Variants in R3HDM2 observed in about 807,000 individuals in gnomAD.
The protein encoded by R3HDM2 is R3H domain-containing protein 2.
In R3HDM2, 38 loss-of-function variants were observed where a neutral mutation model predicts 124.5. That is an observed-to-expected ratio of 0.31 (90% CI 0.24 to 0.40). The LOEUF is 0.40. Among genes scored for constraint, R3HDM2 ranks in the 10% least tolerant of loss-of-function variants. The pLI is 1.00. For synonymous variants in R3HDM2, 391 were observed against 448.0 expected (o/e 0.87, Z 1.61); for missense variants, 869 against 1,236.9 (o/e 0.70, Z 4.46).
Position 57,419,420 on chromosome 12 carries a change from G to C in R3HDM2, c.-106+11300C>G, listed in dbSNP as rs1461650485. 2.6e-5 allele frequency among the ~76,000 whole-genome samples: 4 copies of C among 151,744 alleles called. No individual in the cohort carries two copies. In the East Asian group the frequency reaches 7.7e-4, roughly 29 times the overall value. ...AGCCTCCCAAAGTGCTGAGATTACAGGCATGAGCCACTGTATCTGGCCATC... is the reference window on the plus strand; with the variant it reads ...AGCCTCCCAAAGTGCTGAGATTACACGCATGAGCCACTGTATCTGGCCATC... On this transcript the variant is annotated intron_variant, in intron 1 of 23. Coordinates refer to ENST00000402412, the MANE Select transcript of R3HDM2 (RefSeq NM_001394031.1).
chr12:57,281,706 G>A (rs1055726017), intron 13 of R3HDM2, among the ~76,000 whole-genome samples: 2 of 151,904 alleles, frequency 1.3e-5, no homozygotes, highest in Non-Finnish European at 2.9e-5. Context: ...GGCTGGTTTC[G>A]AACTCCTGGC....
chr12:57,369,250 C>A (rs949540413), intron 2 of R3HDM2, among the ~76,000 whole-genome samples: 12 of 152,276 alleles, frequency 7.9e-5, no homozygotes, highest in African/African-American at 2.4e-4. Context: ...ATCTCTGGGG[C>A]AAACATAACT....
intron 2 of R3HDM2, among the ~76,000 whole-genome samples, chr12:57,385,810 A>G (rs1386971476): frequency 6.6e-6 from 1 of 152,176 alleles, no homozygotes; most frequent in African/African-American, 2.4e-5. Context: ...GTGGCCTGGA[A>G]CCCCTGGGAA....
At chr12:57,408,209 G>A (rs2068701528) in intron 1 of R3HDM2, among the ~76,000 whole-genome samples, 1 of 152,168 alleles carries the variant, frequency 6.6e-6, no homozygotes, top group African/African-American at 2.4e-5. Flanking sequence ...GGCATTTCAG[G>A]TGCAAGCCAC....
rs1466923568 is a variant in R3HDM2, at chr12:57,266,792, C to T, written c.2070G>A (p.Gln690=). The T allele has an allele frequency of 6.2e-7, 1 of 1,610,714 alleles. No homozygotes were observed. The highest frequency in any genetic ancestry group is 1.1e-5 in the South Asian group (1 of 90,952). The change falls in exon 19 of 24, where the codon CAG becomes CAA. Residue 690 remains glutamine (Q), a synonymous_variant. Transcript: ENST00000402412. ...GAGAGGGAGACTGAGGCATCTGGTACTGCTCAGAGCCAGGGGGTTGCAGAA... is the reference window on the plus strand; with the variant it reads ...GAGAGGGAGACTGAGGCATCTGGTATTGCTCAGAGCCAGGGGGTTGCAGAA... ...VGFLQPPGSE[Q]YQMPQSPSPC...
intron 2 of R3HDM2, among the ~76,000 whole-genome samples, chr12:57,388,548 T>TG (rs1435524712): frequency 2.0e-5 from 3 of 152,186 alleles, no homozygotes; most frequent in African/African-American, 7.2e-5. Context: ...TAACACCTTG[T>TG]GCAGTACTGA....
intron 9 of R3HDM2, among the ~76,000 whole-genome samples, chr12:57,295,930 C>T (rs564236609): frequency 3.9e-5 from 6 of 152,264 alleles, no homozygotes; most frequent in South Asian, 4.1e-4. Context: ...GAGTGCATGG[C>T]GTGATCTTGG....
At chr12:57,324,293 C>A (rs1463129812) in intron 2 of R3HDM2, among the ~76,000 whole-genome samples, 3 of 152,156 alleles carry the variant, frequency 2.0e-5, no homozygotes, top group African/African-American at 4.8e-5. Context: ...AAGCAATTCT[C>A]CTGCCTCAGC....
chr12:57,298,421 A>G (rs987304161), intron 6 of R3HDM2, among the ~76,000 whole-genome samples: 1 of 152,198 alleles, frequency 6.6e-6, no homozygotes. Flanking sequence ...TCTATCATCA[A>G]TAGGTATTTA....
intron 2 of R3HDM2, among the ~76,000 whole-genome samples, chr12:57,382,780 G>T (rs1380784344): frequency 6.6e-6 from 1 of 151,812 alleles, no homozygotes; most frequent in African/African-American, 2.4e-5. Flanking sequence ...AGCTTGCAGT[G>T]AGCTGAGATC....
intron 1 of R3HDM2, among the ~76,000 whole-genome samples, chr12:57,419,144 CTTTT>C (rs923524630): frequency 1.4e-5 from 2 of 139,272 alleles, no homozygotes; most frequent in African/African-American, 2.6e-5. Context: ...TTCTCCTTTC[CTTTT>C]TTTTTTTTTT....
At chr12:57,360,042 TA>T (rs2061729015) in intron 2 of R3HDM2, among the ~76,000 whole-genome samples, 2 of 80,100 alleles carry the variant, frequency 2.5e-5, no homozygotes, top group African/African-American at 8.7e-5. Flanking sequence ...TATATATATA[TA>T]TATATTTTTT....
intron 2 of R3HDM2, among the ~76,000 whole-genome samples, chr12:57,367,138 A>G (rs1157609512): frequency 1.3e-5 from 2 of 152,194 alleles, no homozygotes; most frequent in African/African-American, 4.8e-5. Context: ...ACTCTACTCA[A>G]TGTCCCAGGT....
chr12:57,304,761 A>G (rs2052176321), intron 3 of R3HDM2, among the ~76,000 whole-genome samples: 2 of 152,256 alleles, frequency 1.3e-5, no homozygotes, highest in Non-Finnish European at 2.9e-5. Context: ...GTCTCCTTTC[A>G]TAATTGTCCC....
At chr12:57,337,050 C>A (rs565203740) in intron 2 of R3HDM2, among the ~76,000 whole-genome samples, 4 of 152,152 alleles carry the variant, frequency 2.6e-5, no homozygotes, top group Non-Finnish European at 5.9e-5. Flanking sequence ...ACGTGAGAAG[C>A]AATAGACAGA....
At position 57,254,207 on chromosome 12, in the gene R3HDM2, G is replaced by A. The variant is rs537863991; in HGVS notation, c.*566C>T. 2.2e-6 allele frequency: 1 copy of A among 455,768 alleles called. No homozygotes were observed. The highest frequency in any genetic ancestry group is 1.6e-5 in the South Asian group (1 of 64,452). The allele number at this position is 455,768 out of a possible 1,614,324, so 28.2% of individuals were successfully genotyped here. A position where few individuals can be genotyped will look rare whatever the true frequency, so the allele number is the denominator to read the frequency against. On this transcript the variant is annotated 3_prime_UTR_variant, in exon 24 of 24. Transcript: ENST00000402412. Reference sequence around the variant, plus strand: ...GGAGAAGAGATTTAAAAAAATGATAGAAGAGGATGGAAGCCAGGCACAGTG... The same window carrying A: ...GGAGAAGAGATTTAAAAAAATGATAAAAGAGGATGGAAGCCAGGCACAGTG...
At chr12:57,364,735 A>G (rs2062395944) in intron 2 of R3HDM2, among the ~76,000 whole-genome samples, 1 of 149,826 alleles carries the variant, frequency 6.7e-6, no homozygotes, top group Non-Finnish European at 1.5e-5. Context: ...CGGGCGGATC[A>G]TGAGGTCAGG....
At position 57,254,702 on chromosome 12, in the gene R3HDM2, C is replaced by T. The variant is rs1024607942; in HGVS notation, c.*71G>A. 10 of 1,309,008 alleles carry T rather than the reference C, an allele frequency of 7.6e-6. No individual in the cohort carries two copies. Among genetic ancestry groups the T allele is most frequent in the Non-Finnish European group, 1.1e-5 (10 of 952,268 alleles). The allele number at this position is 1,309,008 out of a possible 1,614,324, so 81.1% of individuals were successfully genotyped here. Reference sequence around the variant, plus strand: ...CTTACTTCCTGCCTCTGTCCATGGTCTGTCAGGATCCTTCAACCCCCTCCA... The same window carrying T: ...CTTACTTCCTGCCTCTGTCCATGGTTTGTCAGGATCCTTCAACCCCCTCCA... On this transcript the variant is annotated 3_prime_UTR_variant, in exon 24 of 24. Coordinates refer to ENST00000402412, the MANE Select transcript of R3HDM2 (RefSeq NM_001394031.1).
At chr12:57,329,017 C>T (rs2057726204) in intron 2 of R3HDM2, among the ~76,000 whole-genome samples, 1 of 152,102 alleles carries the variant, frequency 6.6e-6, no homozygotes, top group East Asian at 1.9e-4. Context: ...TCCTAATATA[C>T]TCTCTACATG....
Sources: gnomAD v4.1 joint callset for allele counts (sites outside exome capture counted in the v4.1 genomes callset) on GRCh38, gnomAD v4.1.1 for gene constraint, MANE v1.5 for transcripts, NCBI Gene and HGNC (gene_info 2026-07-23, HGNC 2026-07-21) for gene names.